Variants in ACACB observed in about 807,000 individuals in gnomAD.
ACACB encodes acetyl-CoA carboxylase 2.
Under a neutral mutation model 278.8 loss-of-function variants are expected in ACACB, and 209 were observed. The observed-to-expected ratio is 0.75, with a 90% CI of 0.67 to 0.84. ACACB has a LOEUF of 0.84. Among genes scored for constraint, ACACB ranks in the 40% least tolerant of loss-of-function variants. The pLI is 0.00. For missense variants in ACACB, 2,850 were observed against 3,269.0 expected (o/e 0.87, Z 3.13); for synonymous variants, 1,174 against 1,285.6 (o/e 0.91, Z 1.86).
rs550520547 is a variant in ACACB, at chr12:109,236,365, G to A, written c.4446+718G>A. 2.0e-5 allele frequency: 3 copies of A among 152,450 alleles called. No individual in the cohort carries two copies. The South Asian group carries it at 6.2e-4, about 32-fold the overall frequency. 9.4% of individuals were successfully genotyped at this position (152,450 alleles called of 1,614,324 possible). On this transcript the variant is annotated intron_variant, in intron 33 of 52. Coordinates refer to ENST00000338432, the MANE Select transcript of ACACB (RefSeq NM_001093.4). ...TTTTCAGTACTTGCTGATGTACTCA[G>A]TAAGACATTTTTTCCAAACTGTTTT...
intron 4 of ACACB, 92 bp downstream of exon 4, chr12:109,168,126 TCCCGA>T: frequency 1.4e-6 from 2 of 1,392,212 alleles, no homozygotes; most frequent in Non-Finnish European, 2.0e-6. Flanking sequence ...CATCCTGGAC[TCCCGA>T]TGGTCAGGAC....
At chr12:109,115,398 T>C (rs1365059972), upstream of ACACB, among the ~76,000 whole-genome samples, 1 of 152,162 alleles carries the variant, frequency 6.6e-6, no homozygotes, top group African/African-American at 2.4e-5. Flanking sequence ...AGCCTAAGAA[T>C]TTTTTTCAAT....
chr12:109,127,233 C>T (rs962652319), intron 1 of ACACB, among the ~76,000 whole-genome samples: 4 of 152,126 alleles, frequency 2.6e-5, no homozygotes, highest in Non-Finnish European at 4.4e-5. Flanking sequence ...TGTATACCTC[C>T]AAGCTGTGTG....
intron 28 of ACACB, among the ~76,000 whole-genome samples, chr12:109,229,585 A>G (rs954012135): frequency 6.6e-6 from 1 of 152,016 alleles, no homozygotes. Context: ...GCTGGAGTGC[A>G]ACGGCGCGAT....
intron 1 of ACACB, among the ~76,000 whole-genome samples, chr12:109,128,895 C>T (rs2042751819): frequency 6.6e-6 from 1 of 151,840 alleles, no homozygotes; most frequent in Non-Finnish European, 1.5e-5. Flanking sequence ...ACTTTGGCCT[C>T]CTGAAGTGCT....
chr12:109,210,029 ATATG>A (rs1448432746), intron 21 of ACACB, among the ~76,000 whole-genome samples: 3 of 110,320 alleles, frequency 2.7e-5, no homozygotes, highest in Non-Finnish European at 5.9e-5. Context: ...ACGTGTGTAT[ATATG>A]TGTATATGTG....
rs2044411739 is a variant in ACACB at position 109,179,981 on chromosome 12, G to A, written c.1712G>A (p.Ser571Asn). Residue 571 changes from serine to asparagine, a missense_variant, in exon 11 of 53, where the codon AGT becomes AAT. Physicochemically the swap from Ser to Asn is conservative, Grantham distance 46. This residue lies in a region of ACACB where 2,265 missense variants were observed against 2,561.3 expected (regional missense o/e 0.88). Coordinates refer to ENST00000338432, the MANE Select transcript of ACACB (RefSeq NM_001093.4). The part of the protein sequence containing the change: ...VSAGTVEYLY[S>N]QDGSFHFLEL... Reference sequence around the variant, plus strand: ...GCAGGGACAGTGGAATACCTCTATAGTCAGGATGGCAGCTTCCACTTCTTG... The same window carrying A: ...GCAGGGACAGTGGAATACCTCTATAATCAGGATGGCAGCTTCCACTTCTTG... The A allele has an allele frequency of 1.2e-6, 2 of 1,613,928 alleles. No individual in the cohort carries two copies. The highest frequency in any genetic ancestry group is 8.5e-7 in the Non-Finnish European group (1 of 1,180,040).
intron 47 of ACACB, chr12:109,259,953 G>T: frequency 2.9e-6 from 2 of 681,242 alleles, no homozygotes; most frequent in Non-Finnish European, 4.6e-6. Context: ...TGTAAAAGGG[G>T]GTTAAGAACA....
chr12:109,193,890 C>T (rs1248936968), intron 16 of ACACB, among the ~76,000 whole-genome samples, 161 bp downstream of exon 16: 1 of 152,212 alleles, frequency 6.6e-6, no homozygotes, highest in South Asian at 2.1e-4. Context: ...GACACCTAAA[C>T]ACTTTGGCTT....
intron 2 of ACACB, among the ~76,000 whole-genome samples, chr12:109,145,091 C>T (rs886537532): frequency 6.6e-6 from 1 of 152,142 alleles, no homozygotes; most frequent in African/African-American, 2.4e-5. Context: ...ACTTTCCCTT[C>T]AGGGTTAAAA....
chr12:109,265,655 C>G, intron 52 of ACACB, 130 bp downstream of exon 52: 2 of 1,132,262 alleles, frequency 1.8e-6, no homozygotes, highest in Admixed American at 2.2e-5. Context: ...GTCCCCGCCC[C>G]CTCCCCGCTC....
rs919253700 is a variant in ACACB, at chr12:109,228,968, A to T, written c.4001+1479A>T. Among the ~76,000 whole-genome samples, 413 of 151,790 alleles carry T rather than the reference A, an allele frequency of 2.7e-3. 1 individual carries two copies. The highest frequency in any genetic ancestry group is 9.4e-3 in the African/African-American group (391 of 41,396). On this transcript the variant is annotated intron_variant, in intron 28 of 52. Coordinates refer to ENST00000338432, the MANE Select transcript of ACACB (RefSeq NM_001093.4). Reference sequence around the variant, plus strand: ...TGCTCCCACACTCTTTTATTTATTTATTTTTTTTGAGATGGAGTCTCGCTC... The same window carrying T: ...TGCTCCCACACTCTTTTATTTATTTTTTTTTTTTGAGATGGAGTCTCGCTC...
intron 6 of ACACB, among the ~76,000 whole-genome samples, chr12:109,173,061 A>G (rs1228455797): frequency 6.6e-6 from 1 of 152,162 alleles, no homozygotes; most frequent in Non-Finnish European, 1.5e-5. Context: ...GCAAACTAAC[A>G]CAGGAACAGA....
upstream of ACACB, chr12:109,113,428 G>A (rs34259): frequency 6.6e-6 from 1 of 152,078 alleles, no homozygotes; most frequent in Non-Finnish European, 1.5e-5. Context: ...GAGTTAGGGA[G>A]ATCTCTGACA....
At chr12:109,233,363 A>G (rs2046534215) in intron 29 of ACACB, among the ~76,000 whole-genome samples, 2 of 152,160 alleles carry the variant, frequency 1.3e-5, no homozygotes, top group South Asian at 4.1e-4. Context: ...TTTTCACAAC[A>G]GCCTCATGAG....
intron 2 of ACACB, among the ~76,000 whole-genome samples, 157 bp downstream of exon 2, chr12:109,140,215 TTTCCTTCCTTCC>T (rs757132750): frequency 2.8e-5 from 4 of 145,362 alleles, no homozygotes; most frequent in Admixed American, 2.0e-4. Flanking sequence ...TTCTCAGAAG[TTTCCTTCCTTCC>T]TTCCTTCCTT....
intron 2 of ACACB, among the ~76,000 whole-genome samples, chr12:109,162,755 G>A (rs1233960097): frequency 3.3e-5 from 5 of 152,056 alleles, no homozygotes; most frequent in Admixed American, 6.6e-5. Flanking sequence ...TCTGGCCAGC[G>A]AGAGAGAAAG....
At position 109,223,845 on chromosome 12, in the gene ACACB, G is replaced by C; in HGVS notation, c.3823G>C (p.Asp1275His). The change falls in exon 27 of 53, where the codon GAC (aspartate) becomes CAC (histidine). Residue 1275 changes from aspartate to histidine, a missense_variant. Physicochemically the swap from Asp to His is moderately conservative, Grantham distance 81. Transcript: ENST00000338432. ...AATACTTTCGGAAACAACCATCTTC[G>C]ACGTCCTGCCTACTTTCTTCTATCA... Reference protein sequence around the residue: ...KLILSETTIFDVLPTFFYHAN... With the variant: ...KLILSETTIFHVLPTFFYHAN... The C allele has an allele frequency of 6.2e-7, 1 of 1,613,844 alleles. No homozygotes were observed. The highest frequency in any genetic ancestry group is 1.1e-5 in the South Asian group (1 of 91,070).
intron 9 of ACACB, 98 bp from the exon 10 acceptor site, chr12:109,178,990 C>T (rs1054457098): frequency 1.8e-6 from 2 of 1,129,664 alleles, no homozygotes; most frequent in Admixed American, 2.0e-5. Flanking sequence ...ACCCTAAACA[C>T]ATCACTGCGT....
Sources: gnomAD v4.1 joint callset for allele counts (sites outside exome capture counted in the v4.1 genomes callset) on GRCh38, gnomAD v4.1.1 for gene constraint, gnomAD v4.1.1 regional missense constraint, MANE v1.5 for transcripts, NCBI Gene and HGNC (gene_info 2026-07-23, HGNC 2026-07-21) for gene names.